Variants in NEURL4 observed in about 807,000 individuals in gnomAD.
The protein encoded by NEURL4 is neuralized-like protein 4.
NEURL4 carries 45 observed loss-of-function variants against 148.0 expected under a neutral mutation model. That is an observed-to-expected ratio of 0.30 (90% CI 0.24 to 0.39). The LOEUF (loss-of-function observed/expected upper bound fraction) is 0.39. Among genes scored for constraint, NEURL4 ranks in the 10% least tolerant of loss-of-function variants. The pLI, the probability that NEURL4 is intolerant of heterozygous loss-of-function variation, is 1.00. For synonymous variants in NEURL4, 854 were observed against 869.0 expected (o/e 0.98, Z 0.30); for missense variants, 1,776 against 2,144.0 (o/e 0.83, Z 3.39).
chr17:7,325,144 T>TGGGGGGGGGGGGGGGGGGGGCGGGG, intron 8 of NEURL4, 65 bp downstream of exon 8: 1 of 956,488 alleles, frequency 1.0e-6, no homozygotes, highest in Non-Finnish European at 1.5e-6. Flanking sequence ...TCCACTTCCT[T>TGGGGGGGGGGGGGGGGGGGGCGGGG]GCCCCGCCCC....
Position 7,329,060 on chromosome 17 carries a change from G to A in NEURL4, c.253C>T (p.Arg85Cys), listed in dbSNP as rs751753866. Residue 85 changes from arginine to cysteine, a missense_variant, in exon 1 of 29, where the codon CGC (arginine) becomes TGC (cysteine). Physicochemically the swap from Arg to Cys is radical, Grantham distance 180. Transcript: ENST00000399464. ...VLSREPLRDG[R>C]VFTVRIDRKV... ...CGGTCGATGCGGACGGTGAAGACGC[G>A]TCCATCGCGCAAGGGTTCTCGGCTC... 3.8e-6 allele frequency: 6 copies of A among 1,594,896 alleles called. No homozygotes were observed. Among genetic ancestry groups the A allele is most frequent in the Admixed American group, 1.7e-5 (1 of 58,220 alleles).
At position 7,321,161 on chromosome 17, in the gene NEURL4, G is replaced by T; in HGVS notation, c.3311C>A (p.Thr1104Asn). ...GTCATCCTCCTCGCCCTCACTGCCG[G>T]TGTCTGAACTGGGGGAAGGAGGCTG... The part of the protein sequence containing the change: ...GTQPPSPSSD[T>N]GSEGEEDDEG... Residue 1104 changes from threonine to asparagine, a missense_variant, in exon 20 of 29, where the codon ACC (threonine) becomes AAC (asparagine). Transcript: ENST00000399464. The surrounding 1 kb of genome is among the most constrained non-coding windows in gnomAD (Gnocchi z 6.3). The T allele has an allele frequency of 6.2e-7, 1 of 1,613,942 alleles. No individual in the cohort carries two copies. Among genetic ancestry groups the T allele is most frequent in the Non-Finnish European group, 8.5e-7 (1 of 1,180,024 alleles).
intron 28 of NEURL4, among the ~76,000 whole-genome samples, chr17:7,316,654 C>T (rs990494194): frequency 6.6e-6 from 1 of 152,218 alleles, no homozygotes; most frequent in Non-Finnish European, 1.5e-5. Context: ...TGGCGGGGCG[C>T]GGTGGCTCAC....
At position 7,323,833 on chromosome 17, in the gene NEURL4, C is replaced by A. The variant is rs1010706359; in HGVS notation, c.2242G>T (p.Ala748Ser). 1 of 1,613,952 alleles carries A rather than the reference C, an allele frequency of 6.2e-7. No individual in the cohort carries two copies. Among genetic ancestry groups the A allele is most frequent in the Non-Finnish European group, 8.5e-7 (1 of 1,180,040 alleles). The change falls in exon 12 of 29, where the codon GCC becomes TCC. Residue 748 changes from alanine to serine, a missense_variant. Ala to Ser is a moderately conservative substitution (Grantham distance 99, BLOSUM62 1). Transcript: ENST00000399464. The part of the protein sequence containing the change: ...RHNCRSEFND[A>S]IVISNRALRD... ...ACTGACCGGTTGGAGATGACGATGG[C>A]GTCATTAAACTCGCTGCGACAGTTG...
rs1255990618 is a variant in NEURL4 at position 7,326,417 on chromosome 17, C to A, written c.1204+20G>T. The A allele has an allele frequency of 3.1e-6, 5 of 1,613,618 alleles. No individual in the cohort carries two copies. The South Asian group carries it at 5.5e-5, about 18-fold the overall frequency. On this transcript the variant is annotated intron_variant, in intron 5 of 28. Transcript: ENST00000399464. The surrounding 1 kb of genome is among the most constrained non-coding windows in gnomAD (Gnocchi z 6.0). ...CAGCAACACCAGGCCTGCACCCCCGCCCCTGCCCGGGGCTGGTACCTGACT... is the reference window on the plus strand; with the variant it reads ...CAGCAACACCAGGCCTGCACCCCCGACCCTGCCCGGGGCTGGTACCTGACT...
In NEURL4 at chr17:7,326,409, C is replaced by A; in HGVS notation, c.1204+28G>T. The A allele has an allele frequency of 1.9e-6, 3 of 1,613,264 alleles. No homozygotes were observed. Among genetic ancestry groups the A allele is most frequent in the Non-Finnish European group, 2.5e-6 (3 of 1,179,216 alleles). ...CTTCCCCTCAGCAACACCAGGCCTG[C>A]ACCCCCGCCCCTGCCCGGGGCTGGT... On this transcript the variant is annotated intron_variant, in intron 5 of 28. Transcript: ENST00000399464. The surrounding 1 kb of genome is among the most constrained non-coding windows in gnomAD (Gnocchi z 6.0).
At position 7,326,424 on chromosome 17, in the gene NEURL4, C is replaced by T; in HGVS notation, c.1204+13G>A. ...ACCAGGCCTGCACCCCCGCCCCTGC[C>T]CGGGGCTGGTACCTGACTGGAGGTT... is the stretch of plus-strand genomic sequence containing the variant. On this transcript the variant is annotated intron_variant, in intron 5 of 28. Transcript: ENST00000399464. This position sits in a 1 kb window ranked among gnomAD's most constrained non-coding sequence, Gnocchi z 6.0. 1 of 1,614,028 alleles carries T rather than the reference C, an allele frequency of 6.2e-7. No individual in the cohort carries two copies. Among genetic ancestry groups the T allele is most frequent in the Non-Finnish European group, 8.5e-7 (1 of 1,179,910 alleles).
At chr17:7,323,760 C>A in intron 12 of NEURL4, 37 bp from the exon 13 acceptor site, 3 of 1,613,950 alleles carry the variant, frequency 1.9e-6, no homozygotes, top group Non-Finnish European at 2.5e-6. Context: ...GCTCTACTTG[C>A]ATGGCTGAGG....
At position 7,327,615 on chromosome 17, in the gene NEURL4, G is replaced by A. The variant is rs1242227176; in HGVS notation, c.552C>T (p.Gly184=). 6.2e-7 allele frequency: 1 copy of A among 1,612,638 alleles called. No individual in the cohort carries two copies. The highest frequency in any genetic ancestry group is 1.1e-5 in the South Asian group (1 of 91,076). The change falls in exon 2 of 29, where the codon GGC becomes GGT. Residue 184 remains glycine, a synonymous_variant. Transcript: ENST00000399464. The surrounding 1 kb of genome is among the most constrained non-coding windows in gnomAD (Gnocchi z 6.6). ...NGRDCGVAAT[G]LPPRVWAVVD... ...CGACGGCCCAGACACGAGGGGGCAG[G>A]CCTGTGGCAGCCACACCGCAATCCC...
rs374043398 is a variant in NEURL4 at position 7,326,781 on chromosome 17, C to T, written c.1022G>A (p.Arg341Gln). The T allele has an allele frequency of 7.4e-6, 12 of 1,613,096 alleles. No individual in the cohort carries two copies. Among genetic ancestry groups the T allele is most frequent in the Non-Finnish European group, 1.0e-5 (12 of 1,179,824 alleles). Residue 341 changes from arginine (R) to glutamine (Q), a missense_variant, in exon 4 of 29, where the codon CGG becomes CAG. By Grantham distance (43) the Arg-to-Gln change is conservative (BLOSUM62 1). Coordinates refer to ENST00000399464, the MANE Select transcript of NEURL4 (RefSeq NM_032442.3). This position sits in a 1 kb window ranked among gnomAD's most constrained non-coding sequence, Gnocchi z 6.0. Reference sequence around the variant, plus strand: ...CCCATTGTTGAATTCATCCAGGGGCCGCCGGCGCTCAGCCGTCTTATTATT... The same window carrying T: ...CCCATTGTTGAATTCATCCAGGGGCTGCCGGCGCTCAGCCGTCTTATTATT... ...SNNNKTAERR[R>Q]PLDEFNNGVV...
chr17:7,325,135 C>CCA (rs2073085674), intron 8 of NEURL4, 74 bp downstream of exon 8: 2 of 1,462,596 alleles, frequency 1.4e-6, no homozygotes, highest in Non-Finnish European at 1.8e-6. Flanking sequence ...CCTCTGCCTT[C>CCA]CACTTCCTTG....
Position 7,321,858 on chromosome 17 carries a change from G to A in NEURL4, c.2871+7C>T, listed in dbSNP as rs372830476. ...CGCAGCCCCTCTGTCACATCACTACGGCCTACCTCAAAGACTTCCTCAGCC... is the reference window on the plus strand; with the variant it reads ...CGCAGCCCCTCTGTCACATCACTACAGCCTACCTCAAAGACTTCCTCAGCC... On this transcript the variant is annotated splice_region_variant and intron_variant, in intron 17 of 28. Transcript: ENST00000399464. The surrounding 1 kb of genome is among the most constrained non-coding windows in gnomAD (Gnocchi z 6.3). The A allele has an allele frequency of 3.9e-5, 63 of 1,612,980 alleles. No individual in the cohort carries two copies. Among genetic ancestry groups the A allele is most frequent in the Admixed American group, 8.3e-5 (5 of 59,972 alleles).
At position 7,321,102 on chromosome 17, in the gene NEURL4, A is replaced by C; in HGVS notation, c.3360+10T>G. ...CCATGTGCACAGCAGACCATGCTGC[A>C]GCCTCTTACTCCCAGGCCATGCTCC... On this transcript the variant is annotated intron_variant, in intron 20 of 28. Coordinates refer to ENST00000399464, the MANE Select transcript of NEURL4 (RefSeq NM_032442.3). The surrounding 1 kb of genome is among the most constrained non-coding windows in gnomAD (Gnocchi z 6.3). 6.2e-7 allele frequency: 1 copy of C among 1,612,676 alleles called. No homozygotes were observed. The highest frequency in any genetic ancestry group is 1.1e-5 in the South Asian group (1 of 91,028).
rs371381411 is a variant in NEURL4 at position 7,318,643 on chromosome 17, G to A, written c.3716C>T (p.Thr1239Met). 28 of 1,612,532 alleles carry A rather than the reference G, an allele frequency of 1.7e-5. No homozygotes were observed. The highest frequency in any genetic ancestry group is 2.2e-5 in the East Asian group (1 of 44,898). The part of the protein sequence containing the change: ...ICEKFGPNLD[T>M]CPEGTILGLR... ...TCCCAGGATGGTGCCTTCAGGGCACGTGTCCAGATTGGGCCCAAACTTCTC... is the reference window on the plus strand; with the variant it reads ...TCCCAGGATGGTGCCTTCAGGGCACATGTCCAGATTGGGCCCAAACTTCTC... Residue 1239 changes from threonine to methionine, a missense_variant, in exon 23 of 29, where the codon ACG becomes ATG. Transcript: ENST00000399464. The surrounding 1 kb of genome is among the most constrained non-coding windows in gnomAD (Gnocchi z 4.3).
intron 21 of NEURL4, among the ~76,000 whole-genome samples, chr17:7,320,132 T>C (rs2073011117): frequency 6.6e-6 from 1 of 151,680 alleles, no homozygotes; most frequent in African/African-American, 2.4e-5. Flanking sequence ...GCCTGGCCTT[T>C]TTTTCTTTTT....
chr17:7,323,620 C>T, intron 13 of NEURL4, 27 bp downstream of exon 13: 1 of 1,613,546 alleles, frequency 6.2e-7, no homozygotes, highest in Non-Finnish European at 8.5e-7. Context: ...CATCCAACAG[C>T]CCCCAACACA....
In NEURL4 at chr17:7,321,354, G is replaced by T; in HGVS notation, c.3198+7C>A. 1 of 1,613,914 alleles carries T rather than the reference G, an allele frequency of 6.2e-7. No homozygotes were observed. Among genetic ancestry groups the T allele is most frequent in the Non-Finnish European group, 8.5e-7 (1 of 1,179,892 alleles). ...CTCCCAGAACCCAAGGAAGCGTTCAGGTCTACCTTGGCAATGCCAGTGGCT... is the reference window on the plus strand; with the variant it reads ...CTCCCAGAACCCAAGGAAGCGTTCATGTCTACCTTGGCAATGCCAGTGGCT... On this transcript the variant is annotated splice_region_variant and intron_variant, in intron 19 of 28. Transcript: ENST00000399464. The surrounding 1 kb of genome is among the most constrained non-coding windows in gnomAD (Gnocchi z 6.3).
chr17:7,324,926 A>G lies in NEURL4; in HGVS notation c.1686T>C (p.Asp562=). The G allele has an allele frequency of 6.2e-7, 1 of 1,614,136 alleles. No homozygotes were observed. Among genetic ancestry groups the G allele is most frequent in the South Asian group, 1.1e-5 (1 of 91,078 alleles). The part of the protein sequence containing the change: ...GVVLSSRALR[D]GEVFQVRIDK... The stretch of plus-strand genomic sequence containing the variant: ...CGATGCGCACCTGGAACACCTCTCC[A>G]TCCCGCAGGGCTCTGCTGCTCAGCA... The change falls in exon 9 of 29, where the codon GAT becomes GAC. Residue 562 remains aspartate, a synonymous_variant. Transcript: ENST00000399464. The surrounding 1 kb of genome is among the most constrained non-coding windows in gnomAD (Gnocchi z 5.9).
In NEURL4 at chr17:7,321,896, G is replaced by T; in HGVS notation, c.2840C>A (p.Thr947Asn). The change falls in exon 17 of 29, where the codon ACC becomes AAC. Residue 947 changes from threonine (T) to asparagine (N), a missense_variant. Transcript: ENST00000399464. The surrounding 1 kb of genome is among the most constrained non-coding windows in gnomAD (Gnocchi z 6.3). ...GACTTCCTCAGCCCTCAGCTCCTTG[G>T]TACTGAAGACAAGGCCATGAGCATA... ...AGYAHGLVFS[T>N]KELRAEEVFE... is the part of the protein sequence containing the mutation. 1 of 1,613,978 alleles carries T rather than the reference G, an allele frequency of 6.2e-7. No homozygotes were observed. Among genetic ancestry groups the T allele is most frequent in the Non-Finnish European group, 8.5e-7 (1 of 1,179,992 alleles).
Sources: gnomAD v4.1 joint callset for allele counts (sites outside exome capture counted in the v4.1 genomes callset) on GRCh38, gnomAD v4.1.1 for gene constraint, Gnocchi (gnomAD v3.1) non-coding constraint, MANE v1.5 for transcripts, NCBI Gene and HGNC (gene_info 2026-07-23, HGNC 2026-07-21) for gene names.